NALCN: variants seen among roughly 807,000 people sequenced by gnomAD.
The protein encoded by NALCN is sodium leak channel, non-selective.
NALCN carries 111 observed loss-of-function variants against 225.3 expected under a neutral mutation model. That is an observed-to-expected ratio of 0.49 (90% confidence interval 0.42 to 0.58). NALCN has a LOEUF of 0.58. Among genes scored for constraint, NALCN ranks in the 20% least tolerant of loss-of-function variants. NALCN has a pLI of 0.00. For missense variants in NALCN, 1,378 were observed against 2,202.4 expected, an observed-to-expected ratio of 0.63 and a Z score of 7.49; for synonymous variants, 764 against 769.0, an observed-to-expected ratio of 0.99 and a Z score of 0.11.
rs59495250 is a variant in NALCN, at chr13:101,114,776, C to T, written c.2193-3550G>A. On this transcript the variant is annotated intron_variant, in intron 18 of 43. Coordinates refer to ENST00000251127, the MANE Select transcript of NALCN (RefSeq NM_052867.4). Reference sequence around the variant, plus strand: ...TAATTTGTCCTGCAGCAATAGATCACGAATGCGGTTATTATCACTGCCTTA... The same window carrying T: ...TAATTTGTCCTGCAGCAATAGATCATGAATGCGGTTATTATCACTGCCTTA... Among the ~76,000 whole-genome samples the T allele has an allele frequency of 0.012, 1,893 of 152,250 alleles. 56 individuals carry two copies. In the East Asian group the frequency reaches 0.13, roughly 11 times the overall value.
intron 7 of NALCN, among the ~76,000 whole-genome samples, chr13:101,294,805 C>A (rs932268004): frequency 6.6e-6 from 1 of 151,970 alleles, no homozygotes; most frequent in Non-Finnish European, 1.5e-5. Context: ...TAAGAATTTA[C>A]AATATTGTGT....
chr13:101,121,372 C>T (rs1316318100), intron 18 of NALCN, among the ~76,000 whole-genome samples: 1 of 152,120 alleles, frequency 6.6e-6, no homozygotes, highest in East Asian at 1.9e-4. Context: ...TCTCAAGACG[C>T]TAATATTTCA....
At chr13:101,132,225 T>C (rs920012245) in intron 17 of NALCN, among the ~76,000 whole-genome samples, 3 of 152,154 alleles carry the variant, frequency 2.0e-5, no homozygotes, top group Non-Finnish European at 2.9e-5. Context: ...TAATTGTAGA[T>C]ATTTTCTTAT....
chr13:101,210,883 A>C (rs946352634), intron 13 of NALCN, among the ~76,000 whole-genome samples: 1 of 152,118 alleles, frequency 6.6e-6, no homozygotes, highest in Admixed American at 6.6e-5. Flanking sequence ...ATCCTGTTTT[A>C]TTGATAGGAA....
intron 10 of NALCN, among the ~76,000 whole-genome samples, chr13:101,279,835 T>A (rs9554766): frequency 0.33 from 20,678 of 63,600 alleles, 1,674 homozygotes; most frequent in Non-Finnish European, 0.37. Context: ...AATAAATAAA[T>A]AAAATAAATA....
chr13:101,281,574 AAGG>A (rs1327168476), intron 10 of NALCN, among the ~76,000 whole-genome samples: 1 of 152,226 alleles, frequency 6.6e-6, no homozygotes, highest in African/African-American at 2.4e-5. Context: ...TATAGGATGG[AAGG>A]AGGACCACAA....
chr13:101,253,585 A>T (rs1284068062), intron 11 of NALCN, among the ~76,000 whole-genome samples: 1 of 152,192 alleles, frequency 6.6e-6, no homozygotes, highest in African/African-American at 2.4e-5. Context: ...CCCCCCAAAA[A>T]TCATAGCTTT....
At chr13:101,268,385 C>T (rs190140368) in intron 10 of NALCN, among the ~76,000 whole-genome samples, 1 of 152,286 alleles carries the variant, frequency 6.6e-6, no homozygotes, top group African/African-American at 2.4e-5. Context: ...TTGTTCACCA[C>T]CCAGCTCCCC....
intron 17 of NALCN, among the ~76,000 whole-genome samples, chr13:101,137,195 C>T (rs2036842219): frequency 6.6e-6 from 1 of 152,136 alleles, no homozygotes; most frequent in South Asian, 2.1e-4. Context: ...CAATTCTTCC[C>T]TTTGAGATAC....
At position 101,237,829 on chromosome 13, in the gene NALCN, C is replaced by T. The variant is rs745318137; in HGVS notation, c.1360G>A (p.Glu454Lys). The T allele has an allele frequency of 7.5e-6, 12 of 1,605,700 alleles. No individual in the cohort carries two copies. The South Asian group carries it at 8.9e-5, about 12-fold the overall frequency. ...GTAGTTCCAATTACGAGTAGTAGTTCGAATTTGTGGAGAGATGAGCTAATA... is the reference window on the plus strand; with the variant it reads ...GTAGTTCCAATTACGAGTAGTAGTTTGAATTTGTGGAGAGATGAGCTAATA... ...GYISSSLHKF[E>K]LLLVIGTTLH... The change falls in exon 12 of 44, where the codon GAA (glutamate) becomes AAA (lysine). Residue 454 changes from glutamate (E) to lysine (K), a missense_variant. By Grantham distance (56) the Glu-to-Lys change is moderately conservative (BLOSUM62 1). Coordinates refer to ENST00000251127, the MANE Select transcript of NALCN (RefSeq NM_052867.4).
chr13:101,282,066 A>G (rs1381266728), intron 10 of NALCN, among the ~76,000 whole-genome samples: 5 of 152,222 alleles, frequency 3.3e-5, no homozygotes, highest in Non-Finnish European at 7.3e-5. Context: ...GGGGATTTAA[A>G]TTGGTAGAGC....
At chr13:101,088,557 C>T (rs2034046893) in intron 30 of NALCN, among the ~76,000 whole-genome samples, 1 of 152,152 alleles carries the variant, frequency 6.6e-6, no homozygotes, top group East Asian at 1.9e-4. Flanking sequence ...CTAGTCATTG[C>T]TTTTTCTGCA....
intron 3 of NALCN, among the ~76,000 whole-genome samples, chr13:101,386,345 C>A (rs1376483732): frequency 6.6e-6 from 1 of 152,064 alleles, no homozygotes; most frequent in Non-Finnish European, 1.5e-5. Flanking sequence ...ATGAAGAGTG[C>A]CTGTATGTGC....
chr13:101,229,809 A>G (rs1344514663), intron 12 of NALCN, among the ~76,000 whole-genome samples: 1 of 152,356 alleles, frequency 6.6e-6, no homozygotes. Flanking sequence ...ATATGATTAT[A>G]CAAAATGATA....
chr13:101,234,176 T>C (rs555452768), intron 12 of NALCN, among the ~76,000 whole-genome samples: 1 of 152,374 alleles, frequency 6.6e-6, no homozygotes, highest in South Asian at 2.1e-4. Flanking sequence ...CCAGTACTTG[T>C]ACTTCACATT....
chr13:101,329,897 G>A (rs1039151454), intron 7 of NALCN, among the ~76,000 whole-genome samples: 9 of 151,636 alleles, frequency 5.9e-5, no homozygotes, highest in Non-Finnish European at 1.2e-4. Context: ...AAATTAGCCG[G>A]GCGTGGTGGC....
rs535716009 is a variant in NALCN, at chr13:101,094,744, A to T, written c.3269+830T>A. Among the ~76,000 whole-genome samples, 415 of 152,290 alleles carry T rather than the reference A, an allele frequency of 2.7e-3. 2 individuals carry two copies. The highest frequency in any genetic ancestry group is 9.2e-3 in the African/African-American group (384 of 41,566). On this transcript the variant is annotated intron_variant, in intron 28 of 43. Coordinates refer to ENST00000251127, the MANE Select transcript of NALCN (RefSeq NM_052867.4). The stretch of plus-strand genomic sequence containing the variant: ...TAAAAGCGAATTTCATATGAGAAAA[A>T]TGCCAAAGAGAGGTAACAGTGAGTG...
intron 3 of NALCN, among the ~76,000 whole-genome samples, chr13:101,387,764 G>T (rs2047037108): frequency 6.6e-6 from 1 of 152,106 alleles, no homozygotes; most frequent in African/African-American, 2.4e-5. Flanking sequence ...CCCCTGAAAG[G>T]TATAGAACTT....
chr13:101,082,719 AGAG>A, intron 33 of NALCN, 87 bp downstream of exon 33: 1 of 1,311,110 alleles, frequency 7.6e-7, no homozygotes, highest in East Asian at 2.3e-5. Context: ...TGGAACACAG[AGAG>A]GAGAGTAAGT....
Sources: gnomAD v4.1 joint callset for allele counts (sites outside exome capture counted in the v4.1 genomes callset) on GRCh38, gnomAD v4.1.1 for gene constraint, MANE v1.5 for transcripts, NCBI Gene and HGNC (gene_info 2026-07-23, HGNC 2026-07-21) for gene names.